Variants in CCDC171 observed in about 807,000 individuals in gnomAD.
CCDC171 encodes the protein coiled-coil domain containing 171, also known as coiled-coil domain-containing protein 171.
CCDC171 carries 177 observed loss-of-function variants against 168.2 expected under a neutral mutation model. That is an observed-to-expected ratio of 1.05 (90% CI 0.93 to 1.19). The LOEUF is 1.19. CCDC171 is among the 50% of genes most tolerant of loss of function. The probability of loss-of-function intolerance (pLI) is 0.00; values close to 1 mark genes in which losing one functional copy is unlikely to be tolerated. For synonymous variants in CCDC171, 687 were observed against 540.8 expected, an observed-to-expected ratio of 1.27 and a Z score of -3.75; for missense variants, 1,991 against 1,539.0, an observed-to-expected ratio of 1.29 and a Z score of -4.91.
chr9:15,737,217 A>G (rs750258932), intron 16 of CCDC171, among the ~76,000 whole-genome samples: 1 of 152,124 alleles, frequency 6.6e-6, no homozygotes, highest in Non-Finnish European at 1.5e-5. Flanking sequence ...TATATAGCAC[A>G]CTGTGTTGCA....
At chr9:15,667,416 C>G (rs1316335354) in intron 9 of CCDC171, among the ~76,000 whole-genome samples, 2 of 152,040 alleles carry the variant, frequency 1.3e-5, no homozygotes, top group Admixed American at 6.6e-5. Context: ...GAGGCTGACG[C>G]GGGTAGATCA....
chr9:15,638,805 G>A (rs577264867), intron 7 of CCDC171, among the ~76,000 whole-genome samples: 2 of 151,868 alleles, frequency 1.3e-5, no homozygotes, highest in South Asian at 2.1e-4. Flanking sequence ...TATAAATGCA[G>A]TACTGGATAC....
intron 25 of CCDC171, among the ~76,000 whole-genome samples, chr9:15,969,955 A>G (rs1367454529): frequency 6.6e-6 from 1 of 152,040 alleles, no homozygotes; most frequent in Non-Finnish European, 1.5e-5. Context: ...TGCAAGCAAA[A>G]CCTCATTAAT....
At chr9:15,691,449 CTATT>C (rs1046228533) in intron 10 of CCDC171, among the ~76,000 whole-genome samples, 3 of 146,068 alleles carry the variant, frequency 2.1e-5, no homozygotes, top group African/African-American at 5.0e-5. Flanking sequence ...TTATTTTTCT[CTATT>C]TGTTTTTTTT....
intron 21 of CCDC171, among the ~76,000 whole-genome samples, chr9:15,794,782 AT>A (rs1411586111): frequency 6.6e-6 from 1 of 152,234 alleles, no homozygotes; most frequent in Non-Finnish European, 1.5e-5. Flanking sequence ...TAGTATTCTA[AT>A]GTTAAACCAG....
At chr9:15,906,715 A>G (rs1252202693) in intron 24 of CCDC171, among the ~76,000 whole-genome samples, 1 of 152,182 alleles carries the variant, frequency 6.6e-6, no homozygotes, top group African/African-American at 2.4e-5. Context: ...TTCAATGAGG[A>G]AAAGAGGAAG....
intron 1 of CCDC171, among the ~76,000 whole-genome samples, chr9:15,561,598 T>C (rs1293737293): frequency 6.6e-6 from 1 of 152,140 alleles, no homozygotes; most frequent in Admixed American, 6.5e-5. Context: ...AACTTGACTG[T>C]CCTCATCATT....
At chr9:15,615,369 T>C (rs1272719996) in intron 6 of CCDC171, among the ~76,000 whole-genome samples, 1 of 152,146 alleles carries the variant, frequency 6.6e-6, no homozygotes, top group Non-Finnish European at 1.5e-5. Context: ...AAAACATGTT[T>C]GTGTGTTTGT....
rs990074555 is a variant in CCDC171 at position 15,611,333 on chromosome 9, A to C, written c.676-11934A>C. Among the ~76,000 whole-genome samples the C allele has an allele frequency of 2.0e-5, 3 of 152,200 alleles. 1 individual carries two copies. The highest frequency in any genetic ancestry group is 2.9e-5 in the Non-Finnish European group (2 of 68,040). On this transcript the variant is annotated intron_variant, in intron 6 of 25. Coordinates refer to ENST00000380701, the MANE Select transcript of CCDC171 (RefSeq NM_173550.4). ...TTTATAGCCATGCAGGAACAGCCTA[A>C]TACAAGAACCTTTCCGCAAATGTCC... is the stretch of plus-strand genomic sequence containing the variant.
intron 7 of CCDC171, among the ~76,000 whole-genome samples, chr9:15,645,474 A>G (rs1239662646): frequency 1.3e-5 from 2 of 152,210 alleles, no homozygotes; most frequent in African/African-American, 4.8e-5. Context: ...GTTCGAGCCC[A>G]TTGTGAAGAA....
chr9:15,627,963 G>C (rs1377241925), intron 7 of CCDC171, among the ~76,000 whole-genome samples: 2 of 151,736 alleles, frequency 1.3e-5, no homozygotes, highest in East Asian at 1.9e-4. Context: ...AGTCTCTTGG[G>C]TTAGACCCTA....
chr9:15,817,292 G>C (rs1476199419), intron 21 of CCDC171, among the ~76,000 whole-genome samples: 1 of 117,716 alleles, frequency 8.5e-6, no homozygotes, highest in East Asian at 2.1e-4. Flanking sequence ...GGTGATTTCT[G>C]CATTTCCAAC....
At chr9:15,741,421 C>T (rs189322811) in intron 16 of CCDC171, among the ~76,000 whole-genome samples, 4 of 152,086 alleles carry the variant, frequency 2.6e-5, no homozygotes, top group African/African-American at 9.7e-5. Context: ...TTTCTCTTAG[C>T]GTAATTTTTC....
chr9:16,015,947 T>G (rs1833003078), intron 3 of CCDC171, among the ~76,000 whole-genome samples: 1 of 152,206 alleles, frequency 6.6e-6, no homozygotes, highest in Non-Finnish European at 1.5e-5. Flanking sequence ...GTATCCAAAT[T>G]TCATTTATTT....
chr9:15,932,156 G>T (rs927341839), intron 25 of CCDC171, among the ~76,000 whole-genome samples: 1 of 151,760 alleles, frequency 6.6e-6, no homozygotes, highest in African/African-American at 2.4e-5. Flanking sequence ...GAATGTCATT[G>T]GTCTTTTGAT....
chr9:15,650,413 A>T (rs1016343613), intron 7 of CCDC171, among the ~76,000 whole-genome samples: 16 of 152,144 alleles, frequency 1.1e-4, no homozygotes, highest in African/African-American at 3.9e-4. Flanking sequence ...AAAAGAAAAA[A>T]AATAAATTAT....
intron 6 of CCDC171, among the ~76,000 whole-genome samples, chr9:15,609,273 A>AT (rs927151222): frequency 1.7e-4 from 25 of 149,392 alleles, no homozygotes; most frequent in South Asian, 4.2e-4. Context: ...CTAATTTTTT[A>AT]TTTTTTTTTA....
chr9:15,966,381 T>C (rs1394711044), intron 25 of CCDC171, among the ~76,000 whole-genome samples: 1 of 152,136 alleles, frequency 6.6e-6, no homozygotes, highest in African/African-American at 2.4e-5. Context: ...GCTTGCACAG[T>C]ACAAGTGAGG....
At chr9:16,012,646 A>G (rs750237794) in intron 3 of CCDC171, among the ~76,000 whole-genome samples, 4 of 151,434 alleles carry the variant, frequency 2.6e-5, no homozygotes, top group Non-Finnish European at 5.9e-5. Context: ...CCTTCCATGA[A>G]TACAATTTTG....
Sources: gnomAD v4.1 joint callset for allele counts (sites outside exome capture counted in the v4.1 genomes callset) on GRCh38, gnomAD v4.1.1 for gene constraint, MANE v1.5 for transcripts, NCBI Gene and HGNC (gene_info 2026-07-23, HGNC 2026-07-21) for gene names.